MED13L: variants seen among roughly 807,000 people sequenced by gnomAD.
MED13L encodes the protein mediator complex subunit 13L, also known as mediator of RNA polymerase II transcription subunit 13-like.
In MED13L, 7 loss-of-function variants were observed where a neutral mutation model predicts 220.9. The observed-to-expected ratio is 0.03, with a 90% CI of 0.02 to 0.06. The LOEUF is 0.06. Among genes scored for constraint, MED13L ranks in the 10% least tolerant of loss-of-function variants. The probability of loss-of-function intolerance (pLI) is 1.00; values close to 1 mark genes in which losing one functional copy is unlikely to be tolerated. For missense variants in MED13L, 1,965 were observed against 2,760.5 expected, an observed-to-expected ratio of 0.71 and a Z score of 6.46; for synonymous variants, 1,011 against 1,015.2, an observed-to-expected ratio of 1.00 and a Z score of 0.08.
At chr12:116,156,408 A>G (rs1878440078) in intron 2 of MED13L, among the ~76,000 whole-genome samples, 1 of 151,618 alleles carries the variant, frequency 6.6e-6, no homozygotes, top group Non-Finnish European at 1.5e-5. Context: ...TACTTAAAAA[A>G]AAAAAAAAAA....
chr12:116,076,130 G>A (rs554236339), intron 4 of MED13L, among the ~76,000 whole-genome samples: 6 of 152,174 alleles, frequency 3.9e-5, no homozygotes, highest in African/African-American at 1.4e-4. Flanking sequence ...AGCCAGGATG[G>A]TCTCGATCTC....
chr12:116,124,445 G>A (rs902573870), intron 2 of MED13L, among the ~76,000 whole-genome samples: 5 of 151,834 alleles, frequency 3.3e-5, no homozygotes, highest in African/African-American at 1.2e-4. Context: ...TTCACTATAG[G>A]ACTAGAAAAT....
intron 2 of MED13L, among the ~76,000 whole-genome samples, chr12:116,226,958 GT>G (rs768438065): frequency 1.0e-3 from 149 of 143,974 alleles, no homozygotes; most frequent in Non-Finnish European, 8.6e-4. Flanking sequence ...TACCATTAAG[GT>G]TTTTTTTTTT....
chr12:116,019,714 T>C, intron 6 of MED13L, 64 bp downstream of exon 6: 2 of 1,515,948 alleles, frequency 1.3e-6, no homozygotes, highest in Non-Finnish European at 1.8e-6. Context: ...TCTAAATGAT[T>C]ATCTTTTTAA....
chr12:116,162,394 G>A (rs1219160663), intron 2 of MED13L, among the ~76,000 whole-genome samples: 2 of 152,132 alleles, frequency 1.3e-5, no homozygotes, highest in African/African-American at 4.8e-5. Context: ...ATAACTAAAT[G>A]AGTTTTAATT....
chr12:116,270,992 A>T (rs1255457337), intron 1 of MED13L, among the ~76,000 whole-genome samples: 1 of 137,674 alleles, frequency 7.3e-6, no homozygotes, highest in East Asian at 2.5e-4. Context: ...CAGCGAGGCG[A>T]CTTCGCACCA....
chr12:116,200,552 G>GAC (rs1881945676), intron 2 of MED13L, among the ~76,000 whole-genome samples: 3 of 152,072 alleles, frequency 2.0e-5, no homozygotes, highest in Admixed American at 2.0e-4. Flanking sequence ...ACTTGACAGG[G>GAC]ACTATGTTAA....
intron 2 of MED13L, among the ~76,000 whole-genome samples, chr12:116,177,658 G>A (rs1174509518): frequency 6.6e-6 from 1 of 151,920 alleles, no homozygotes; most frequent in Non-Finnish European, 1.5e-5. Flanking sequence ...TTTAAGATAG[G>A]CCTCTTTCAT....
At chr12:116,056,919 G>A (rs1869022313) in intron 4 of MED13L, among the ~76,000 whole-genome samples, 1 of 152,066 alleles carries the variant, frequency 6.6e-6, no homozygotes, top group Admixed American at 6.6e-5. Flanking sequence ...AGACCTCTTT[G>A]TCTACCTCAA....
intron 2 of MED13L, among the ~76,000 whole-genome samples, chr12:116,172,156 C>A (rs1003495262): frequency 2.0e-5 from 3 of 152,222 alleles, no homozygotes; most frequent in Non-Finnish European, 2.9e-5. Context: ...CCCTAACACA[C>A]ACCCTATGTA....
chr12:116,162,794 T>C (rs979433009), intron 2 of MED13L, among the ~76,000 whole-genome samples: 4 of 152,248 alleles, frequency 2.6e-5, no homozygotes, highest in African/African-American at 9.6e-5. Flanking sequence ...TTATGTCAAG[T>C]GACTTTTTCT....
chr12:116,012,927 T>C lies in MED13L; in HGVS notation c.1176-26A>G, dbSNP rs553710147. 165 of 1,519,434 alleles carry C rather than the reference T, an allele frequency of 1.1e-4. No homozygotes were observed. Among genetic ancestry groups the C allele is most frequent in the Middle Eastern group, 5.1e-4 (3 of 5,866 alleles). The allele number at this position is 1,519,434 out of a possible 1,614,324, so 94.1% of individuals were successfully genotyped here. A position where few individuals can be genotyped will look rare whatever the true frequency, so the allele number is the denominator to read the frequency against. On this transcript the variant is annotated intron_variant, in intron 8 of 30. Transcript: ENST00000281928. ...CTAAAAGGGTTAAAAATGTGACTTATGTGTGAACATAATACCCATACCCCT... is the reference window on the plus strand; with the variant it reads ...CTAAAAGGGTTAAAAATGTGACTTACGTGTGAACATAATACCCATACCCCT...
chr12:116,085,909 T>C (rs540584340), intron 4 of MED13L, among the ~76,000 whole-genome samples: 96 of 152,246 alleles, frequency 6.3e-4, no homozygotes, highest in African/African-American at 2.2e-3. Flanking sequence ...TTAACTTGAA[T>C]TGCCAGGGAA....
intron 19 of MED13L, among the ~76,000 whole-genome samples, chr12:115,985,592 T>C (rs1335980743): frequency 1.3e-5 from 2 of 152,234 alleles, no homozygotes; most frequent in Admixed American, 6.5e-5. Flanking sequence ...ACAAAGAACT[T>C]AGTGCATATA....
In MED13L at chr12:116,019,264, C is replaced by T. The variant is rs141207031; in HGVS notation, c.969G>A (p.Met323Ile). 408 of 1,613,944 alleles carry T rather than the reference C, an allele frequency of 2.5e-4. No individual in the cohort carries two copies. Among genetic ancestry groups the T allele is most frequent in the Non-Finnish European group, 3.4e-4 (398 of 1,179,950 alleles). The change falls in exon 7 of 31, where the codon ATG becomes ATA. Residue 323 changes from methionine to isoleucine, a missense_variant. By Grantham distance (10) the Met-to-Ile change is conservative (BLOSUM62 1). Coordinates refer to ENST00000281928, the MANE Select transcript of MED13L (RefSeq NM_015335.5). ...GSVKDPSNCGMPLTPPTSPEQ... is the reference protein window; with the variant it reads ...GSVKDPSNCGIPLTPPTSPEQ... ...CTGGAGAGGTGGGAGGGGTCAGAGG[C>T]ATCCCACAGTTACTTGGGTCCTTCA... is the stretch of plus-strand genomic sequence containing the variant.
intron 2 of MED13L, among the ~76,000 whole-genome samples, chr12:116,139,121 T>C (rs1593089298): frequency 6.6e-6 from 1 of 152,200 alleles, no homozygotes; most frequent in Non-Finnish European, 1.5e-5. Flanking sequence ...AAAACATAAA[T>C]GCACTTATAT....
At chr12:115,998,830 A>G (rs1446235660) in intron 14 of MED13L, among the ~76,000 whole-genome samples, 21 of 152,244 alleles carry the variant, frequency 1.4e-4, no homozygotes, top group Admixed American at 1.4e-3. Flanking sequence ...ACTGCTACTT[A>G]TTTTCTATAA....
intron 2 of MED13L, among the ~76,000 whole-genome samples, chr12:116,152,108 A>G (rs1190543879): frequency 3.3e-5 from 5 of 152,194 alleles, no homozygotes; most frequent in Non-Finnish European, 7.3e-5. Context: ...TATTTGTTTC[A>G]TACAGGTTCT....
chr12:115,995,274 A>T (rs1225777286), intron 16 of MED13L, among the ~76,000 whole-genome samples: 1 of 150,798 alleles, frequency 6.6e-6, no homozygotes, highest in Non-Finnish European at 1.5e-5. Context: ...AGTAGTACCA[A>T]CTCTTTTGCA....
Sources: allele counts gnomAD v4.1 joint callset (sites outside exome capture counted in the v4.1 genomes callset), GRCh38; gene constraint gnomAD v4.1.1; transcripts MANE v1.5; gene names NCBI Gene and HGNC (gene_info 2026-07-23, HGNC 2026-07-21).